UBAP1: variants seen among roughly 807,000 people sequenced by gnomAD.
The protein encoded by UBAP1 is ubiquitin associated protein 1.
UBAP1 carries 5 observed loss-of-function variants against 39.0 expected under a neutral mutation model. That is an observed-to-expected ratio of 0.13 (90% confidence interval 0.07 to 0.27). The LOEUF is 0.27. UBAP1 is among the 10% of genes least tolerant of loss of function. The pLI is 1.00. For synonymous variants in UBAP1, 211 were observed against 225.1 expected (o/e 0.94, Z 0.56); for missense variants, 490 against 608.1 (o/e 0.81, Z 2.04).
At chr9:34,203,756 C>T (rs1831529797) in intron 1 of UBAP1, among the ~76,000 whole-genome samples, 2 of 152,140 alleles carry the variant, frequency 1.3e-5, no homozygotes, top group South Asian at 4.1e-4. Context: ...TTTTCTCTCC[C>T]CATAAATCTT....
chr9:34,198,222 TCAGGTGAGGCTA>T (rs1358470028), intron 1 of UBAP1, among the ~76,000 whole-genome samples: 2 of 152,176 alleles, frequency 1.3e-5, no homozygotes, highest in Non-Finnish European at 2.9e-5. Flanking sequence ...ATTTCCCCGG[TCAGGTGAGGCTA>T]CAGGGTATGC....
At chr9:34,182,682 T>C (rs1830148416) in intron 1 of UBAP1, among the ~76,000 whole-genome samples, 1 of 122,364 alleles carries the variant, frequency 8.2e-6, no homozygotes, top group African/African-American at 3.0e-5. Context: ...TTTCTTTCTT[T>C]CTCTCTCTCT....
At chr9:34,214,966 T>TA (rs1046688694) in intron 1 of UBAP1, among the ~76,000 whole-genome samples, 10 of 151,808 alleles carry the variant, frequency 6.6e-5, no homozygotes, top group African/African-American at 2.2e-4. Context: ...AATAAAAAAA[T>TA]AAAAAAACAG....
At chr9:34,232,673 T>C (rs948642362) in intron 2 of UBAP1, among the ~76,000 whole-genome samples, 1 of 152,162 alleles carries the variant, frequency 6.6e-6, no homozygotes, top group African/African-American at 2.4e-5. Context: ...ATTACAAATA[T>C]TTTCTGACCT....
At chr9:34,247,544 C>T (rs892896846) in intron 4 of UBAP1, among the ~76,000 whole-genome samples, 1 of 152,040 alleles carries the variant, frequency 6.6e-6, no homozygotes, top group East Asian at 1.9e-4. Context: ...CCTACCTCAG[C>T]CTCCCAAGTA....
chr9:34,231,643 T>G (rs948366461), intron 2 of UBAP1, among the ~76,000 whole-genome samples: 3 of 148,304 alleles, frequency 2.0e-5, no homozygotes, highest in Non-Finnish European at 4.6e-5. Context: ...TTTGTTTTTT[T>G]TTTTTGTTTG....
chr9:34,202,624 C>CCTGTGTGTGTGTGT (rs1491103579), intron 1 of UBAP1, among the ~76,000 whole-genome samples: 2,215 of 107,218 alleles, frequency 0.021, 310 homozygotes, highest in East Asian at 0.038. Context: ...TAGACAGAAA[C>CCTGTGTGTGTGTGT]GTGTGTGTGT....
At chr9:34,202,830 A>G (rs1196941744) in intron 1 of UBAP1, among the ~76,000 whole-genome samples, 1 of 152,134 alleles carries the variant, frequency 6.6e-6, no homozygotes, top group East Asian at 1.9e-4. Context: ...TCTCTGAAAG[A>G]TCACATAAAT....
At chr9:34,240,872 T>C (rs1833920287) in intron 3 of UBAP1, among the ~76,000 whole-genome samples, 1 of 151,676 alleles carries the variant, frequency 6.6e-6, no homozygotes, top group African/African-American at 2.4e-5. Flanking sequence ...ACCTTACAGG[T>C]ATTTCTTACA....
chr9:34,251,104 G>A (rs1365941446), intron 6 of UBAP1, among the ~76,000 whole-genome samples: 1 of 152,168 alleles, frequency 6.6e-6, no homozygotes, highest in African/African-American at 2.4e-5. Context: ...ATCCTTCCTT[G>A]GTGGGAAGAT....
chr9:34,212,424 CACTT>C (rs1175576344), intron 1 of UBAP1, among the ~76,000 whole-genome samples: 2 of 142,640 alleles, frequency 1.4e-5, no homozygotes, highest in Non-Finnish European at 3.2e-5. Context: ...CACACACACA[CACTT>C]ATAGTTATTT....
chr9:34,202,395 A>T (rs1158797541), intron 1 of UBAP1, among the ~76,000 whole-genome samples: 1 of 152,074 alleles, frequency 6.6e-6, no homozygotes, highest in South Asian at 2.1e-4. Context: ...GCCTCCCAAA[A>T]TGCTGGGATT....
chr9:34,223,902 T>G, intron 2 of UBAP1: 1 of 264,134 alleles, frequency 3.8e-6, no homozygotes. Context: ...TTTTTTTTGT[T>G]TTTGTTTTTT....
intron 4 of UBAP1, among the ~76,000 whole-genome samples, chr9:34,242,539 C>CTT (rs1244563974): frequency 1.3e-5 from 2 of 151,560 alleles, no homozygotes; most frequent in East Asian, 3.9e-4. Flanking sequence ...CTTTTCCTTT[C>CTT]TTTTTTTTGA....
At chr9:34,205,262 C>T (rs1216924361) in intron 1 of UBAP1, among the ~76,000 whole-genome samples, 1 of 152,162 alleles carries the variant, frequency 6.6e-6, no homozygotes, top group Non-Finnish European at 1.5e-5. Context: ...AGTGATCTTC[C>T]AGTCTCCCAA....
intron 1 of UBAP1, among the ~76,000 whole-genome samples, chr9:34,206,502 C>A (rs1023303869): frequency 6.6e-6 from 1 of 151,382 alleles, no homozygotes; most frequent in African/African-American, 2.4e-5. Flanking sequence ...AGAGTGAGAC[C>A]CTGTCTCAAA....
intron 1 of UBAP1, among the ~76,000 whole-genome samples, chr9:34,195,674 C>T (rs1217273001): frequency 2.7e-5 from 4 of 150,674 alleles, no homozygotes; most frequent in East Asian, 2.0e-4. Context: ...CTCGGCTCAC[C>T]GCAACCTCCG....
chr9:34,216,116 A>G (rs1341243942), intron 1 of UBAP1, among the ~76,000 whole-genome samples: 1 of 151,548 alleles, frequency 6.6e-6, no homozygotes, highest in Non-Finnish European at 1.5e-5. Flanking sequence ...CAAACTTGGA[A>G]GTTATTGACA....
At chr9:34,189,144 T>C (rs1830575519) in intron 1 of UBAP1, among the ~76,000 whole-genome samples, 1 of 151,942 alleles carries the variant, frequency 6.6e-6, no homozygotes, top group Non-Finnish European at 1.5e-5. Context: ...GGGAAGGATA[T>C]GGGCAGTAAC....
Sources: allele counts gnomAD v4.1 joint callset (sites outside exome capture counted in the v4.1 genomes callset), GRCh38; gene constraint gnomAD v4.1.1; transcripts MANE v1.5; gene names NCBI Gene and HGNC (gene_info 2026-07-23, HGNC 2026-07-21).